ST3GAL6: variants seen among roughly 807,000 people sequenced by gnomAD.
The protein encoded by ST3GAL6 is type 2 lactosamine alpha-2,3-sialyltransferase.
ST3GAL6 carries 31 observed loss-of-function variants against 40.5 expected under a neutral mutation model. That is an observed-to-expected ratio of 0.77 (90% CI 0.58 to 1.03). The LOEUF is 1.03. Among genes scored for constraint, ST3GAL6 ranks in the 50% least tolerant of loss-of-function variants. ST3GAL6 has a pLI of 0.00. For missense variants in ST3GAL6, 357 were observed against 393.2 expected (o/e 0.91, Z 0.78); for synonymous variants, 129 against 136.9 (o/e 0.94, Z 0.40).
chr3:98,739,062 A>G (rs767770825), intron 1 of ST3GAL6, among the ~76,000 whole-genome samples: 3 of 152,218 alleles, frequency 2.0e-5, no homozygotes, highest in African/African-American at 4.8e-5. Flanking sequence ...TCAAAACCAT[A>G]CAATTATATG....
rs1222536195 is a variant in ST3GAL6 at position 98,795,500 on chromosome 3, GT to G, written c.*1740del. On this transcript the variant is annotated 3_prime_UTR_variant, in exon 10 of 10. Coordinates refer to ENST00000483910, the MANE Select transcript of ST3GAL6 (RefSeq NM_001323368.2). ...GAAGGTACCAGAACTGGAATCACAT[GT>G]AATCAATCAGTGTGATTTTCCCCTC... The G allele has an allele frequency of 6.6e-6, 1 of 152,202 alleles. No homozygotes were observed. 9.4% of individuals were successfully genotyped at this position (152,202 alleles called of 1,614,324 possible). A position where few individuals can be genotyped will look rare whatever the true frequency, so the allele number is the denominator to read the frequency against.
chr3:98,791,245 A>G (rs6804850), intron 8 of ST3GAL6, among the ~76,000 whole-genome samples: 54,197 of 151,996 alleles, frequency 0.36, 9,775 homozygotes, highest in Non-Finnish European at 0.38. Context: ...ATAATGGTGC[A>G]GCTGAGATTG....
intron 1 of ST3GAL6, among the ~76,000 whole-genome samples, chr3:98,735,436 C>G (rs1368783912): frequency 6.6e-6 from 1 of 152,226 alleles, no homozygotes; most frequent in African/African-American, 2.4e-5. Context: ...CTTGTGACAG[C>G]TTTAGACTTT....
At chr3:98,786,268 T>G (rs1940697415) in intron 6 of ST3GAL6, among the ~76,000 whole-genome samples, 1 of 151,808 alleles carries the variant, frequency 6.6e-6, no homozygotes, top group South Asian at 2.1e-4. Flanking sequence ...CTCAGAGAAC[T>G]CAAAATTTAG....
chr3:98,762,712 C>A (rs1937921350), upstream of ST3GAL6: 1 of 755,726 alleles, frequency 1.3e-6, no homozygotes. Flanking sequence ...TTTAACAGTT[C>A]ATACTCTTAA....
chr3:98,733,615 C>A, intron 1 of ST3GAL6: 1 of 985,174 alleles, frequency 1.0e-6, no homozygotes, highest in Non-Finnish European at 1.2e-6. Context: ...AGTGTTTGGG[C>A]TGCTGTTAAT....
At chr3:98,790,915 A>T (rs1941146639) in intron 8 of ST3GAL6, among the ~76,000 whole-genome samples, 1 of 152,152 alleles carries the variant, frequency 6.6e-6, no homozygotes, top group African/African-American at 2.4e-5. Context: ...GGATAAAGAA[A>T]ATTTTATGCT....
intron 9 of ST3GAL6, among the ~76,000 whole-genome samples, chr3:98,792,664 G>A (rs1941305307): frequency 7.2e-6 from 1 of 139,580 alleles, no homozygotes; most frequent in Non-Finnish European, 1.5e-5. Context: ...CCGCCACCAC[G>A]ACCGGCTAAT....
At chr3:98,754,089 T>C (rs1157507123) in intron 1 of ST3GAL6, among the ~76,000 whole-genome samples, 1 of 152,194 alleles carries the variant, frequency 6.6e-6, no homozygotes, top group Non-Finnish European at 1.5e-5. Context: ...TTTGTAAAGC[T>C]CTAGGTGTCA....
chr3:98,766,374 ATCCT>A (rs1229457999), intron 1 of ST3GAL6, among the ~76,000 whole-genome samples: 1 of 114,626 alleles, frequency 8.7e-6, no homozygotes, highest in African/African-American at 3.6e-5. Flanking sequence ...GGTAAGTTTT[ATCCT>A]TGTTGGATCT....
intron 3 of ST3GAL6, 47 bp downstream of exon 3, chr3:98,771,003 G>A (rs1169450164): frequency 3.1e-6 from 5 of 1,593,110 alleles, no homozygotes; most frequent in East Asian, 4.5e-5. Context: ...TATTCTAAAT[G>A]TGCTTGTAAT....
intron 1 of ST3GAL6, among the ~76,000 whole-genome samples, chr3:98,741,309 A>G (rs963960469): frequency 6.6e-6 from 1 of 151,876 alleles, no homozygotes; most frequent in South Asian, 2.1e-4. Flanking sequence ...TTGGACTCCT[A>G]TGTCATCATC....
In ST3GAL6 at chr3:98,768,426, TC is replaced by T. The variant is rs1308707414; in HGVS notation, c.-11-3del. 5 of 1,612,472 alleles carry T rather than the reference TC, an allele frequency of 3.1e-6. No homozygotes were observed. The African/African-American group carries it at 6.7e-5, about 22-fold the overall frequency. On this transcript the variant is annotated splice_region_variant and splice_polypyrimidine_tract_variant and intron_variant, in intron 1 of 9. Transcript: ENST00000483910. The stretch of plus-strand genomic sequence containing the variant: ...TGCTTTGGACTTCATTCCTTGTGTT[TC>T]AGGTGAGCCAGCCATGAGAGGGTAT...
chr3:98,739,502 A>G (rs1935876338), intron 1 of ST3GAL6, among the ~76,000 whole-genome samples: 1 of 152,220 alleles, frequency 6.6e-6, no homozygotes, highest in Non-Finnish European at 1.5e-5. Flanking sequence ...TAGTCTTAAG[A>G]GGTATCAGCC....
At chr3:98,782,812 G>C (rs1940271816) in intron 5 of ST3GAL6, 2 of 509,936 alleles carry the variant, frequency 3.9e-6, no homozygotes, top group South Asian at 3.1e-5. Context: ...AGAAACAGGA[G>C]TTGAATGAAC....
intron 1 of ST3GAL6, among the ~76,000 whole-genome samples, chr3:98,734,300 T>A (rs911914237): frequency 4.6e-5 from 7 of 152,366 alleles, no homozygotes; most frequent in African/African-American, 1.2e-4. Context: ...TCCTTTTTGT[T>A]TCACTAAGAA....
At chr3:98,747,503 C>G (rs973809341) in intron 1 of ST3GAL6, among the ~76,000 whole-genome samples, 4 of 152,070 alleles carry the variant, frequency 2.6e-5, no homozygotes, top group African/African-American at 9.7e-5. Flanking sequence ...GCAATTTGTA[C>G]GATTCACTAG....
chr3:98,739,124 G>C (rs559224918), intron 1 of ST3GAL6, among the ~76,000 whole-genome samples: 1 of 152,254 alleles, frequency 6.6e-6, no homozygotes, highest in African/African-American at 2.4e-5. Flanking sequence ...GTGAAATTAA[G>C]GCAGAAATCA....
At chr3:98,743,009 T>C (rs968152249) in intron 1 of ST3GAL6, among the ~76,000 whole-genome samples, 6 of 143,628 alleles carry the variant, frequency 4.2e-5, no homozygotes, top group African/African-American at 1.6e-4. Context: ...TCTTTTTTTT[T>C]TTTTTTTTTT....
Sources: gnomAD v4.1 joint callset for allele counts (sites outside exome capture counted in the v4.1 genomes callset) on GRCh38, gnomAD v4.1.1 for gene constraint, MANE v1.5 for transcripts, NCBI Gene and HGNC (gene_info 2026-07-23, HGNC 2026-07-21) for gene names.